Variants in KRTAP2-2 observed in about 807,000 individuals in gnomAD.
The protein encoded by KRTAP2-2 is putative keratin-associated protein ENSP00000381495.
In KRTAP2-2, 3 loss-of-function variants were observed where a neutral mutation model predicts 10.2. The observed-to-expected ratio is 0.29, with a 90% CI of 0.13 to 0.76. The LOEUF is 0.76. Ranked by LOEUF, KRTAP2-2 falls within the 30% of genes least tolerant of loss-of-function variation. KRTAP2-2 has a pLI of 0.67. For synonymous variants in KRTAP2-2, 20 were observed against 70.8 expected, an observed-to-expected ratio of 0.28 and a Z score of 3.60; for missense variants, 54 against 163.6, an observed-to-expected ratio of 0.33 and a Z score of 3.65.
exon 1 of KRTAP2-2, chr17:41,054,759 G>T (rs1567918806): frequency 3.2e-6 from 5 of 1,540,918 alleles, no homozygotes; most frequent in Non-Finnish European, 4.4e-6. Context: ...CTCAGCAGGA[G>T]GAGGTCCTGC....
chr17:41,054,555 G>T, exon 1 of KRTAP2-2: 2 of 740,778 alleles, frequency 2.7e-6, no homozygotes, highest in Non-Finnish European at 4.3e-6. Context: ...ATAGGAGTTA[G>T]ACTGGAGTCC....
chr17:41,055,017 G>C (rs960846463), exon 1 of KRTAP2-2: 3 of 1,096,492 alleles, frequency 2.7e-6, no homozygotes, highest in Non-Finnish European at 3.8e-6. Context: ...GGGAGCAGGG[G>C]TCGCAGCACA....
exon 1 of KRTAP2-2, chr17:41,054,959 T>G: frequency 1.8e-6 from 2 of 1,104,354 alleles, no homozygotes; most frequent in Non-Finnish European, 2.5e-6. Context: ...ACCACAGCCG[T>G]GCACGACGAG....
At chr17:41,054,515 T>G in exon 1 of KRTAP2-2, 1 of 607,400 alleles carries the variant, frequency 1.6e-6, no homozygotes, top group Non-Finnish European at 2.8e-6. Context: ...GGTAGGAGTA[T>G]TGAGTTTATT....
chr17:41,054,503 A>G (rs1391519791), exon 1 of KRTAP2-2: 8 of 588,078 alleles, frequency 1.4e-5, no homozygotes, highest in East Asian at 5.6e-5. Context: ...CATGATTTCT[A>G]TGGTAGGAGT....
At chr17:41,054,698 AGCGGGATGGACCTG>A in exon 1 of KRTAP2-2, 1 of 1,534,162 alleles carries the variant, frequency 6.5e-7, no homozygotes, top group South Asian at 1.2e-5. Context: ...CCTGAGGGGC[AGCGGGATGGACCTG>A]GCCATCTTCT....
At chr17:41,054,532 C>T (rs905642865) in exon 1 of KRTAP2-2, 1 of 643,450 alleles carries the variant, frequency 1.6e-6, no homozygotes, top group Non-Finnish European at 2.6e-6. Context: ...TATTAGAAAG[C>T]AGACAACATG....
chr17:41,054,729 C>T lies in KRTAP2-2; in HGVS notation c.*111G>A, dbSNP rs1305504099. 3.9e-6 allele frequency: 6 copies of T among 1,537,520 alleles called. 1 individual carries two copies. In the Admixed American group the frequency reaches 5.9e-5, roughly 15 times the overall value. On this transcript the variant is annotated 3_prime_UTR_variant, in exon 1 of 1. Coordinates refer to ENST00000398477, the Ensembl canonical transcript of KRTAP2-2. ...ATGGACCTGGCCATCTTCTGAGGGG[C>T]CCTTCGTGATAACGGGCTGCTCAGC...
exon 1 of KRTAP2-2, chr17:41,054,774 G>A (rs1267816621): frequency 3.9e-6 from 6 of 1,540,346 alleles, no homozygotes; most frequent in African/African-American, 1.4e-5. Context: ...TCCTGCAGGT[G>A]GTGCTGCAAG....
exon 1 of KRTAP2-2, chr17:41,054,506 G>C: frequency 1.7e-6 from 1 of 595,462 alleles, no homozygotes; most frequent in East Asian, 2.8e-5. Flanking sequence ...GATTTCTATG[G>C]TAGGAGTATT....
chr17:41,054,749 C>A (rs903775396), exon 1 of KRTAP2-2: 2 of 1,540,692 alleles, frequency 1.3e-6, no homozygotes, highest in African/African-American at 2.7e-5. Context: ...TAACGGGCTG[C>A]TCAGCAGGAG....
exon 1 of KRTAP2-2, chr17:41,054,636 AG>A (rs1372993074): frequency 1.4e-6 from 2 of 1,423,244 alleles, no homozygotes; most frequent in Non-Finnish European, 1.9e-6. Context: ...GCTAGTATGA[AG>A]AGATGAGAAA....
At chr17:41,054,643 A>G in exon 1 of KRTAP2-2, 1 of 1,452,026 alleles carries the variant, frequency 6.9e-7, no homozygotes, top group Non-Finnish European at 9.2e-7. Context: ...TGAAGAGATG[A>G]GAAATGGGCT....
chr17:41,054,660 G>C (rs1278014112), exon 1 of KRTAP2-2: 2 of 1,499,360 alleles, frequency 1.3e-6, no homozygotes, highest in Non-Finnish European at 1.8e-6. Flanking sequence ...GGCTTCTCAA[G>C]GAAACGTGTA....
chr17:41,054,749 C>T, exon 1 of KRTAP2-2: 1 of 1,540,812 alleles, frequency 6.5e-7, no homozygotes, highest in Non-Finnish European at 8.7e-7. Flanking sequence ...TAACGGGCTG[C>T]TCAGCAGGAG....
chr17:41,054,588 T>G, exon 1 of KRTAP2-2: 2 of 988,128 alleles, frequency 2.0e-6, no homozygotes, highest in Non-Finnish European at 2.9e-6. Flanking sequence ...TTCTCATCTG[T>G]GGTTGGTCTG....
chr17:41,054,751 C>G, exon 1 of KRTAP2-2: 1 of 1,540,822 alleles, frequency 6.5e-7, no homozygotes, highest in South Asian at 1.2e-5. Flanking sequence ...ACGGGCTGCT[C>G]AGCAGGAGGA....
At chr17:41,054,670 A>T in exon 1 of KRTAP2-2, 1 of 1,516,372 alleles carries the variant, frequency 6.6e-7, no homozygotes, top group Non-Finnish European at 8.8e-7. Flanking sequence ...GGAAACGTGT[A>T]TTGCTCTGCG....
rs754030234 is a variant in KRTAP2-2, at chr17:41,054,639, G to C, written c.*201C>G. 2.8e-5 allele frequency: 40 copies of C among 1,429,072 alleles called. 2 individuals are homozygous for C. Among genetic ancestry groups the C allele is most frequent in the South Asian group, 1.6e-4 (12 of 74,204 alleles). 88.5% of individuals were successfully genotyped at this position (1,429,072 alleles called of 1,614,324 possible). A position where few individuals can be genotyped will look rare whatever the true frequency, so the allele number is the denominator to read the frequency against. On this transcript the variant is annotated 3_prime_UTR_variant, in exon 1 of 1. Coordinates refer to ENST00000398477, the Ensembl canonical transcript of KRTAP2-2. ...TGCATAGTGTGAGCTAGTATGAAGA[G>C]ATGAGAAATGGGCTTCTCAAGGAAA...
Sources: gnomAD v4.1 joint callset for allele counts on GRCh38, gnomAD v4.1.1 for gene constraint, MANE v1.5 for transcripts, NCBI Gene and HGNC (gene_info 2026-07-23, HGNC 2026-07-21) for gene names.